Variants in SEC23A observed in about 807,000 individuals in gnomAD.
SEC23A encodes the protein protein transport protein Sec23A.
A neutral mutation model predicts 103.7 loss-of-function variants in SEC23A; 56 were observed. The observed-to-expected ratio is 0.54, with a 90% CI of 0.44 to 0.67. The LOEUF (loss-of-function observed/expected upper bound fraction) is 0.67, where lower values mean the gene tolerates loss of function less well. Ranked by LOEUF, SEC23A falls within the 30% of genes least tolerant of loss-of-function variation. The pLI is 0.00. For missense variants in SEC23A, 784 were observed against 936.4 expected, an observed-to-expected ratio of 0.84 and a Z score of 2.12; for synonymous variants, 281 against 293.0, an observed-to-expected ratio of 0.96 and a Z score of 0.42.
chr14:39,055,381 A>T, intron 13 of SEC23A, 85 bp from the exon 14 acceptor site: 1 of 1,412,104 alleles, frequency 7.1e-7, no homozygotes. Flanking sequence ...ATTTAAATTT[A>T]AAAGATAAAA....
In SEC23A at chr14:39,065,997, C is replaced by CAAAAAAAAAAAAAAAAAAAAAAAAAA. The variant is rs59260008; in HGVS notation, c.1228-1030_1228-1005dup. The stretch of plus-strand genomic sequence containing the variant: ...GGGCAATAAGAGCGAAACTCCATCT[C>CAAAAAAAAAAAAAAAAAAAAAAAAAA]AAAAAAAAAAAAAAAAAAAAAAAAA... On this transcript the variant is annotated intron_variant, in intron 10 of 19. Transcript: ENST00000307712. Among the ~76,000 whole-genome samples the CAAAAAAAAAAAAAAAAAAAAAAAAAA allele has an allele frequency of 5.0e-5, 4 of 80,498 alleles. 1 individual carries two copies. Among genetic ancestry groups the CAAAAAAAAAAAAAAAAAAAAAAAAAA allele is most frequent in the Admixed American group, 2.9e-4 (2 of 6,936 alleles). The allele number at this position is 80,498 out of a possible 152,430, so 52.8% of individuals were successfully genotyped here.
chr14:39,042,901 G>A (rs988198524), intron 16 of SEC23A, 29 bp from the exon 17 acceptor site: 14 of 1,398,354 alleles, frequency 1.0e-5, no homozygotes, highest in Middle Eastern at 1.8e-4. Context: ...TGAGAAATGA[G>A]GAAAAAGGAA....
intron 5 of SEC23A, 49 bp downstream of exon 5, chr14:39,091,428 A>C: frequency 7.5e-7 from 1 of 1,340,382 alleles, no homozygotes; most frequent in South Asian, 1.2e-5. Context: ...TTATAAACAT[A>C]TATAGAGTAA....
chr14:39,055,965 G>A (rs539657477), intron 13 of SEC23A, among the ~76,000 whole-genome samples: 13 of 152,322 alleles, frequency 8.5e-5, no homozygotes, highest in South Asian at 4.1e-4. Flanking sequence ...GCGCTATAGC[G>A]AAGGTTATGA....
At chr14:39,053,973 AT>A (rs999832297) in intron 14 of SEC23A, among the ~76,000 whole-genome samples, 8 of 151,992 alleles carry the variant, frequency 5.3e-5, no homozygotes, top group Admixed American at 3.3e-4. Context: ...TCTCAACAAA[AT>A]TTTTTTTAAA....
At chr14:39,059,032 A>C (rs1886357042) in intron 13 of SEC23A, among the ~76,000 whole-genome samples, 1 of 152,054 alleles carries the variant, frequency 6.6e-6, no homozygotes, top group Admixed American at 6.6e-5. Flanking sequence ...TTTAGACATA[A>C]ATTAAAAGGT....
chr14:39,070,395 C>A (rs1032180526), intron 9 of SEC23A, among the ~76,000 whole-genome samples: 1 of 152,118 alleles, frequency 6.6e-6, no homozygotes, highest in African/African-American at 2.4e-5. Context: ...CGACAGTTAC[C>A]CTGATGCCAA....
At position 39,074,412 on chromosome 14, in the gene SEC23A, T is replaced by C. The variant is rs1197445705; in HGVS notation, c.1103+3A>G. 5 of 1,557,570 alleles carry C rather than the reference T, an allele frequency of 3.2e-6. No homozygotes were observed. Among genetic ancestry groups the C allele is most frequent in the Non-Finnish European group, 3.5e-6 (4 of 1,128,942 alleles). ...CAAAAACTGTAAAAATTTAAATACATACCCAGTAAGGTTGGGACAGCATTT... is the reference window on the plus strand; with the variant it reads ...CAAAAACTGTAAAAATTTAAATACACACCCAGTAAGGTTGGGACAGCATTT... On this transcript the variant is annotated splice_donor_region_variant and intron_variant, in intron 9 of 19. Coordinates refer to ENST00000307712, the MANE Select transcript of SEC23A (RefSeq NM_006364.4).
intron 13 of SEC23A, among the ~76,000 whole-genome samples, chr14:39,059,300 A>AAAAAAAAAAAAAAAAAC (rs1886382869): frequency 9.9e-6 from 1 of 100,886 alleles, no homozygotes; most frequent in Non-Finnish European, 2.1e-5. Flanking sequence ...AAAAAAAAAA[A>AAAAAAAAAAAAAAAAAC]AAAAAAAAAA....
rs77424796 is a variant in SEC23A at position 39,079,430 on chromosome 14, A to G, written c.829-3337T>C. 4.6e-3 allele frequency among the ~76,000 whole-genome samples: 696 copies of G among 152,326 alleles called. 7 individuals carry two copies. The highest frequency in any genetic ancestry group is 0.016 in the African/African-American group (668 of 41,564). ...AAAGGCTATTTTATCTCTAATTTCTATAAGTGGTTATTGGACAAAATAGAG... is the reference window on the plus strand; with the variant it reads ...AAAGGCTATTTTATCTCTAATTTCTGTAAGTGGTTATTGGACAAAATAGAG... On this transcript the variant is annotated intron_variant, in intron 7 of 19. Transcript: ENST00000307712.
At chr14:39,047,981 T>C (rs1885901517) in intron 15 of SEC23A, among the ~76,000 whole-genome samples, 1 of 152,210 alleles carries the variant, frequency 6.6e-6, no homozygotes, top group Admixed American at 6.5e-5. Flanking sequence ...TCTCAGGTGA[T>C]GATACCATAC....
intron 15 of SEC23A, among the ~76,000 whole-genome samples, chr14:39,046,686 G>A (rs968192132): frequency 7.9e-5 from 12 of 151,952 alleles, no homozygotes; most frequent in African/African-American, 2.2e-4. Flanking sequence ...TCCAGATTTT[G>A]TTTCACTGCT....
chr14:39,039,825 C>T (rs752797252), intron 18 of SEC23A: 2 of 152,156 alleles, frequency 1.3e-5, no homozygotes, highest in Non-Finnish European at 2.9e-5. Flanking sequence ...CATAAGTAAC[C>T]TAGATCTCAG....
In SEC23A at chr14:39,092,522, T is replaced by TA; in HGVS notation, c.366+18_366+19insT. 6.9e-7 allele frequency: 1 copy of TA among 1,444,066 alleles called. No homozygotes were observed. Among genetic ancestry groups the TA allele is most frequent in the Non-Finnish European group, 9.7e-7 (1 of 1,034,002 alleles). 89.5% of individuals were successfully genotyped at this position (1,444,066 alleles called of 1,614,324 possible). Reference sequence around the variant, plus strand: ...ATAAATTTTAAAACTTTCTTAAATATTTGTTCTTAGGTTCTTACCAGAACT... The same window carrying TA: ...ATAAATTTTAAAACTTTCTTAAATATATTGTTCTTAGGTTCTTACCAGAACT... On this transcript the variant is annotated intron_variant, in intron 4 of 19. Coordinates refer to ENST00000307712, the MANE Select transcript of SEC23A (RefSeq NM_006364.4).
rs28533236 is a variant in SEC23A, at chr14:39,055,406, T to C, written c.1506-110A>G. On this transcript the variant is annotated intron_variant, in intron 13 of 19. Coordinates refer to ENST00000307712, the MANE Select transcript of SEC23A (RefSeq NM_006364.4). ...AAAAGATAAAAGATACAGAAACTAC[T>C]AGGATTTTTTTTTTTTTTTGAGACA... 5 of 1,098,682 alleles carry C rather than the reference T, an allele frequency of 4.6e-6. No homozygotes were observed. In the East Asian group the frequency reaches 1.1e-4, roughly 24 times the overall value. 68.1% of individuals were successfully genotyped at this position (1,098,682 alleles called of 1,614,324 possible).
chr14:39,083,976 T>C (rs1887332151), intron 7 of SEC23A, among the ~76,000 whole-genome samples: 1 of 152,194 alleles, frequency 6.6e-6, no homozygotes, highest in Admixed American at 6.5e-5. Flanking sequence ...TTTCTGTAAA[T>C]TTGATAGCAT....
Position 39,067,097 on chromosome 14 carries a change from G to A in SEC23A, c.1227+76C>T, listed in dbSNP as rs965416873. ...AAAGTAAATATTAAATTTGATTAATGGCATTTTAGAATTACACTCAAGCCT... is the reference window on the plus strand; with the variant it reads ...AAAGTAAATATTAAATTTGATTAATAGCATTTTAGAATTACACTCAAGCCT... On this transcript the variant is annotated intron_variant, in intron 10 of 19. Transcript: ENST00000307712. 4.6e-6 allele frequency: 7 copies of A among 1,532,148 alleles called. No individual in the cohort carries two copies. The African/African-American group carries it at 9.6e-5, about 21-fold the overall frequency. 94.9% of individuals were successfully genotyped at this position (1,532,148 alleles called of 1,614,324 possible).
intron 16 of SEC23A, among the ~76,000 whole-genome samples, chr14:39,043,643 T>A (rs946272792): frequency 1.3e-5 from 2 of 152,156 alleles, no homozygotes; most frequent in African/African-American, 4.8e-5. Context: ...AGCCAGAAGA[T>A]TGATCCCTTA....
intron 17 of SEC23A, among the ~76,000 whole-genome samples, chr14:39,041,708 A>G (rs371620401): frequency 3.7e-4 from 56 of 152,100 alleles, no homozygotes; most frequent in East Asian, 2.7e-3. Flanking sequence ...TGTCTCTACT[A>G]AAATGCAAAA....
Sources: gnomAD v4.1 joint callset for allele counts (sites outside exome capture counted in the v4.1 genomes callset) on GRCh38, gnomAD v4.1.1 for gene constraint, MANE v1.5 for transcripts, NCBI Gene and HGNC (gene_info 2026-07-23, HGNC 2026-07-21) for gene names.